ZNF664: variants seen among roughly 807,000 people sequenced by gnomAD.
The protein encoded by ZNF664 is zinc finger Organ of Corti 1.
ZNF664 carries 10 observed loss-of-function variants against 18.2 expected under a neutral mutation model. The observed-to-expected ratio is 0.55, with a 90% CI of 0.34 to 0.93. The LOEUF is 0.93. Ranked by LOEUF, ZNF664 falls within the 40% of genes least tolerant of loss-of-function variation. The pLI, the probability that ZNF664 is intolerant of heterozygous loss-of-function variation, is 0.02. For missense variants in ZNF664, 193 were observed against 319.0 expected, an observed-to-expected ratio of 0.61 and a Z score of 3.01; for synonymous variants, 119 against 104.2, an observed-to-expected ratio of 1.14 and a Z score of -0.86.
At chr12:124,011,046 A>G (rs768332744) in intron 3 of ZNF664, among the ~76,000 whole-genome samples, 13 of 152,226 alleles carry the variant, frequency 8.5e-5, no homozygotes, top group Admixed American at 4.6e-4. Context: ...ACATCAGGAA[A>G]TCATTGAGGA....
chr12:123,991,113 T>G (rs1226840906), intron 3 of ZNF664, among the ~76,000 whole-genome samples: 1 of 152,204 alleles, frequency 6.6e-6, no homozygotes, highest in Non-Finnish European at 1.5e-5. Flanking sequence ...ACCAAATTAT[T>G]ATGATTCTTA....
At chr12:123,999,288 C>G (rs1159150117) in intron 3 of ZNF664, among the ~76,000 whole-genome samples, 3 of 152,114 alleles carry the variant, frequency 2.0e-5, no homozygotes, top group Admixed American at 6.5e-5. Flanking sequence ...GAAAGTGTGC[C>G]CTTATGCTTT....
intron 2 of ZNF664, among the ~76,000 whole-genome samples, chr12:123,986,786 A>G (rs1428542728): frequency 6.6e-6 from 1 of 152,182 alleles, no homozygotes; most frequent in Non-Finnish European, 1.5e-5. Flanking sequence ...GTAGGCTAGC[A>G]GGCACCATGA....
chr12:123,986,759 TCCCA>T (rs1956830222), intron 2 of ZNF664, among the ~76,000 whole-genome samples: 1 of 152,174 alleles, frequency 6.6e-6, no homozygotes, highest in Non-Finnish European at 1.5e-5. Context: ...CTGAAGCAGT[TCCCA>T]TTAGTAGGAT....
intron 2 of ZNF664, among the ~76,000 whole-genome samples, chr12:123,976,489 G>A (rs192020041): frequency 1.3e-5 from 2 of 152,130 alleles, no homozygotes; most frequent in African/African-American, 4.8e-5. Flanking sequence ...CCAGGGGCCA[G>A]ATCAAGTAGG....
chr12:124,012,827 A>G lies in ZNF664; in HGVS notation c.683A>G (p.Lys228Arg). 1.9e-6 allele frequency: 3 copies of G among 1,613,956 alleles called. No homozygotes were observed. The highest frequency in any genetic ancestry group is 1.1e-5 in the South Asian group (1 of 91,054). ...QRVHTGEKPFKCDECGKAFSQ... is the reference protein window; with the variant it reads ...QRVHTGEKPFRCDECGKAFSQ... The stretch of plus-strand genomic sequence containing the variant: ...GTCCACACAGGAGAGAAACCTTTCA[A>G]ATGTGATGAGTGCGGAAAGGCCTTC... The change falls in exon 5 of 5, where the codon AAA (lysine) becomes AGA (arginine). Residue 228 changes from lysine (K) to arginine (R), a missense_variant. This residue lies in a region of ZNF664 where 42 missense variants were observed against 46.4 expected (regional missense o/e 0.91). Coordinates refer to ENST00000337815, the MANE Select transcript of ZNF664 (RefSeq NM_152437.3).
chr12:124,011,131 A>G (rs554031302), intron 3 of ZNF664, among the ~76,000 whole-genome samples: 1 of 152,356 alleles, frequency 6.6e-6, no homozygotes, highest in African/African-American at 2.4e-5. Flanking sequence ...CAAGTCAAAT[A>G]CGATGTTTTA....
intron 3 of ZNF664, among the ~76,000 whole-genome samples, chr12:123,991,454 T>C (rs1365269725): frequency 6.6e-6 from 1 of 152,200 alleles, no homozygotes; most frequent in East Asian, 1.9e-4. Flanking sequence ...GGAGATTACA[T>C]CATCAGGTGT....
chr12:124,001,604 G>C (rs1033675739), intron 3 of ZNF664, among the ~76,000 whole-genome samples: 2 of 152,164 alleles, frequency 1.3e-5, no homozygotes, highest in South Asian at 4.2e-4. Context: ...GTTCAAAGTG[G>C]TCTCCCCTGA....
chr12:123,997,284 C>T (rs1054506330), intron 3 of ZNF664, among the ~76,000 whole-genome samples: 1 of 152,132 alleles, frequency 6.6e-6, no homozygotes, highest in Non-Finnish European at 1.5e-5. Flanking sequence ...ACTGTGATGG[C>T]AAAATTTCAC....
At chr12:123,973,455 C>T (rs12823740) in intron 1 of ZNF664, 103 bp downstream of exon 1, 2 of 677,556 alleles carry the variant, frequency 3.0e-6, no homozygotes, top group African/African-American at 2.0e-5. Flanking sequence ...GGTGGAGTGG[C>T]TTAAAGAAAA....
At chr12:123,993,463 A>C (rs1014991585) in intron 3 of ZNF664, among the ~76,000 whole-genome samples, 2 of 152,226 alleles carry the variant, frequency 1.3e-5, no homozygotes, top group Admixed American at 1.3e-4. Flanking sequence ...TAGTTAAGCA[A>C]AGATTAAGTG....
intron 3 of ZNF664, among the ~76,000 whole-genome samples, chr12:123,997,054 A>G (rs1261139960): frequency 6.6e-6 from 1 of 152,192 alleles, no homozygotes; most frequent in Non-Finnish European, 1.5e-5. Flanking sequence ...CTTGTAAAGG[A>G]AAGGAAAAAT....
chr12:123,989,618 G>A (rs561891203), intron 3 of ZNF664, among the ~76,000 whole-genome samples: 4 of 152,132 alleles, frequency 2.6e-5, no homozygotes, highest in African/African-American at 9.7e-5. Context: ...TAATAATGAA[G>A]TGTTCTGTAT....
In ZNF664 at chr12:124,012,137, T is replaced by A. The variant is rs1306745347; in HGVS notation, c.-8T>A. 1 of 1,594,360 alleles carries A rather than the reference T, an allele frequency of 6.3e-7. No homozygotes were observed. Among genetic ancestry groups the A allele is most frequent in the Admixed American group, 1.8e-5 (1 of 54,740 alleles). On this transcript the variant is annotated 5_prime_UTR_variant, in exon 5 of 5. Coordinates refer to ENST00000337815, the MANE Select transcript of ZNF664 (RefSeq NM_152437.3). ...TTCTCCTTGAAATCACGATACCAAA[T>A]AGGAAAAATGATCTACAAGTGCCCC...
At chr12:123,997,329 G>C (rs2138399047) in intron 3 of ZNF664, among the ~76,000 whole-genome samples, 1 of 152,254 alleles carries the variant, frequency 6.6e-6, no homozygotes, top group Admixed American at 6.5e-5. Context: ...TAGTTTCCTT[G>C]GGCTGCTGTA....
In ZNF664 at chr12:124,012,950, A is replaced by G. The variant is rs370677465; in HGVS notation, c.*20A>G. The stretch of plus-strand genomic sequence containing the variant: ...ATATAAAACGTTTTGCTAAGAGTTT[A>G]AAATCTTAAAACCCATAAGTGCCAC... On this transcript the variant is annotated 3_prime_UTR_variant, in exon 5 of 5. Coordinates refer to ENST00000337815, the MANE Select transcript of ZNF664 (RefSeq NM_152437.3). 1.6e-4 allele frequency: 253 copies of G among 1,607,176 alleles called. No individual in the cohort carries two copies. In the South Asian group the frequency reaches 2.5e-3, roughly 16 times the overall value.
At chr12:123,984,429 A>G (rs539286145) in intron 2 of ZNF664, among the ~76,000 whole-genome samples, 1 of 152,264 alleles carries the variant, frequency 6.6e-6, no homozygotes, top group Admixed American at 6.5e-5. Context: ...AGAAATCTGG[A>G]AAAATCAGTC....
intron 3 of ZNF664, among the ~76,000 whole-genome samples, chr12:123,988,722 A>T (rs1594552123): frequency 1.3e-5 from 2 of 151,576 alleles, no homozygotes; most frequent in African/African-American, 4.9e-5. Context: ...CAGCACAACT[A>T]TTTTTTTACT....
Sources: allele counts gnomAD v4.1 joint callset (sites outside exome capture counted in the v4.1 genomes callset), GRCh38; gene constraint gnomAD v4.1.1; regional missense constraint gnomAD v4.1.1; transcripts MANE v1.5; gene names NCBI Gene and HGNC (gene_info 2026-07-23, HGNC 2026-07-21).